Variants in TTN observed in about 807,000 individuals in gnomAD.
The protein encoded by TTN is titin, also known as connectin.
In TTN, 1,525 loss-of-function variants were observed where a neutral mutation model predicts 3,223.0. The ratio of observed to expected loss-of-function variants is 0.47; its 90% CI spans 0.45 to 0.49. The LOEUF (loss-of-function observed/expected upper bound fraction) is 0.49, where lower values mean the gene tolerates loss of function less well. Among genes scored for constraint, TTN ranks in the 20% least tolerant of loss-of-function variants. TTN has a pLI of 0.00. For synonymous variants in TTN, 14,094 were observed against 15,161.0 expected, an observed-to-expected ratio of 0.93 and a Z score of 5.17; for missense variants, 40,786 against 43,424.0, an observed-to-expected ratio of 0.94 and a Z score of 5.40.
At position 178,807,315 on chromosome 2, in the gene TTN, T is replaced by A. The variant is rs564542612; in HGVS notation, c.-117A>T. 10 of 152,234 alleles carry A rather than the reference T, an allele frequency of 6.6e-5. No homozygotes were observed. Among genetic ancestry groups the A allele is most frequent in the African/African-American group, 2.4e-4 (10 of 41,550 alleles). 9.4% of individuals were successfully genotyped at this position (152,234 alleles called of 1,614,324 possible). ...TTTTTCTGACCATCTCCGACATGAATCGGTGAGCCTCTAATCCTAAAAACA... is the reference window on the plus strand; with the variant it reads ...TTTTTCTGACCATCTCCGACATGAAACGGTGAGCCTCTAATCCTAAAAACA... On this transcript the variant is annotated 5_prime_UTR_variant, in exon 1 of 363. Coordinates refer to ENST00000589042, the MANE Select transcript of TTN (RefSeq NM_001267550.2).
rs749744742 is a variant in TTN at position 178,575,736 on chromosome 2, G to A, written c.70396C>T (p.Arg23466Cys). The A allele has an allele frequency of 8.7e-6, 14 of 1,613,316 alleles. No homozygotes were observed. The highest frequency in any genetic ancestry group is 1.7e-5 in the Admixed American group (1 of 59,968). The change falls in exon 326 of 363, where the codon CGT (arginine) becomes TGT (cysteine). Residue 23466 changes from arginine (R) to cysteine (C), a missense_variant. Transcript: ENST00000589042. This position sits in a 1 kb window ranked among gnomAD's most constrained non-coding sequence, Gnocchi z 4.0. ...TTCTCTACAATGTAGTTTGTTATAC[G>A]TGAGCCTCCATCTATCAGAGGGAGG... is the stretch of plus-strand genomic sequence containing the variant. ...WDLPLIDGGSRITNYIVEKRE... is the reference protein window; with the variant it reads ...WDLPLIDGGSCITNYIVEKRE...
rs794729564 is a variant in TTN at position 178,532,447 on chromosome 2, C to A, written c.104168G>T (p.Arg34723Ile). Residue 34723 changes from arginine to isoleucine, a missense_variant, in exon 358 of 363, where the codon AGA becomes ATA. By Grantham distance (97) the Arg-to-Ile change is moderately conservative. Transcript: ENST00000589042. ...ATAGGTTGAATACCTGAAGTCTTTT[C>A]TTGTTTCCTCCACCTTGACATGAGC... ...PQAHVKVEET[R>I]KDFRYSTYHI... is the part of the protein sequence containing the mutation. 1.9e-6 allele frequency: 3 copies of A among 1,613,902 alleles called. No individual in the cohort carries two copies. The African/African-American group carries it at 4.0e-5, about 22-fold the overall frequency.
chr2:178,753,118 C>A lies in TTN; in HGVS notation c.11311+6G>T. 2 of 1,607,446 alleles carry A rather than the reference C, an allele frequency of 1.2e-6. No individual in the cohort carries two copies. Among genetic ancestry groups the A allele is most frequent in the South Asian group, 2.2e-5 (2 of 90,528 alleles). ...TACTTAAATCTCACATCCATTATAA[C>A]AATACCTTTCATTTCCATCTCAATC... On this transcript the variant is annotated splice_donor_region_variant and intron_variant, in intron 47 of 362. Coordinates refer to ENST00000589042, the MANE Select transcript of TTN (RefSeq NM_001267550.2).
chr2:178,584,118 T>A (rs2048379187), intron 311 of TTN, among the ~76,000 whole-genome samples, 158 bp downstream of exon 311: 1 of 152,062 alleles, frequency 6.6e-6, no homozygotes, highest in Non-Finnish European at 1.5e-5. Flanking sequence ...ATATGTCATC[T>A]TCATTGTAAG....
rs183079332 is a variant in TTN at position 178,705,917 on chromosome 2, T to C, written c.29420+537A>G. Among the ~76,000 whole-genome samples the C allele has an allele frequency of 1.6e-3, 245 of 152,356 alleles. 1 individual carries two copies. The highest frequency in any genetic ancestry group is 2.7e-3 in the Non-Finnish European group (184 of 68,026). On this transcript the variant is annotated intron_variant, in intron 102 of 362. Coordinates refer to ENST00000589042, the MANE Select transcript of TTN (RefSeq NM_001267550.2). ...CACAGACAATACTGGGGTTTCTTTATAGGCCATTTCTTTTTGTTTAAAAAT... is the reference window on the plus strand; with the variant it reads ...CACAGACAATACTGGGGTTTCTTTACAGGCCATTTCTTTTTGTTTAAAAAT...
chr2:178,568,025 A>G lies in TTN; in HGVS notation c.78107T>C (p.Leu26036Ser). The G allele has an allele frequency of 6.2e-7, 1 of 1,613,404 alleles. No homozygotes were observed. Among genetic ancestry groups the G allele is most frequent in the South Asian group, 1.1e-5 (1 of 91,072 alleles). The stretch of plus-strand genomic sequence containing the variant: ...AATAGTTTTGTTGACCTTTGTCCAC[A>G]AAATACTGTTTCTTTCTTTTCTCTC... ...HLERKERNSI[L>S]WTKVNKTIIH... Residue 26036 changes from leucine to serine, a missense_variant, in exon 326 of 363, where the codon TTG becomes TCG. Leu to Ser is a moderately radical substitution (Grantham distance 145). Coordinates refer to ENST00000589042, the MANE Select transcript of TTN (RefSeq NM_001267550.2).
In TTN at chr2:178,574,806, C is replaced by T. The variant is rs746336948; in HGVS notation, c.71326G>A (p.Glu23776Lys). The T allele has an allele frequency of 4.3e-6, 7 of 1,612,036 alleles. No homozygotes were observed. Among genetic ancestry groups the T allele is most frequent in the African/African-American group, 4.0e-5 (3 of 74,870 alleles). ...GTACGTATAACGGTGGTTGCTAACT[C>T]AACCCAGGTAGTACTGTCAGTCTGC... ...MRQTDSTTWVELATTVIRTTY... is the reference protein window; with the variant it reads ...MRQTDSTTWVKLATTVIRTTY... The change falls in exon 326 of 363, where the codon GAG becomes AAG. Residue 23776 changes from glutamate to lysine, a missense_variant. Coordinates refer to ENST00000589042, the MANE Select transcript of TTN (RefSeq NM_001267550.2).
intron 43 of TTN, among the ~76,000 whole-genome samples, chr2:178,760,616 TG>T (rs1486530478): frequency 6.6e-6 from 1 of 152,218 alleles, no homozygotes; most frequent in East Asian, 1.9e-4. Context: ...TCTTTTCATT[TG>T]TAAAATGGCA....
chr2:178,766,679 G>T lies in TTN; in HGVS notation c.9472-67C>A, dbSNP rs2090493981. On this transcript the variant is annotated intron_variant, in intron 40 of 362. Transcript: ENST00000589042. ...AACTTGAAGCTCTGGTTTCCTCCCA[G>T]TTAATCAATTTCTAAAACTGGTCAA... 4 of 1,287,766 alleles carry T rather than the reference G, an allele frequency of 3.1e-6. No individual in the cohort carries two copies. In the Admixed American group the frequency reaches 5.3e-5, roughly 17 times the overall value. The allele number at this position is 1,287,766 out of a possible 1,614,324, so 79.8% of individuals were successfully genotyped here. A position where few individuals can be genotyped will look rare whatever the true frequency, so the allele number is the denominator to read the frequency against.
Position 178,731,469 on chromosome 2 carries a change from T to C in TTN, c.17297A>G (p.Asp5766Gly), listed in dbSNP as rs1477878584. 1 of 1,613,726 alleles carries C rather than the reference T, an allele frequency of 6.2e-7. No homozygotes were observed. Among genetic ancestry groups the C allele is most frequent in the South Asian group, 1.1e-5 (1 of 91,076 alleles). ...ATCGTCTTCAGTGATTTCATCGCTG[T>C]CTTTTAGCCAAGTCACCGTAATTGG... ...SLPITVTWLK[D>G]SDEITEDDNI... Residue 5766 changes from aspartate to glycine, a missense_variant, in exon 59 of 363, where the codon GAC becomes GGC. Physicochemically the swap from Asp to Gly is moderately conservative, Grantham distance 94. Transcript: ENST00000589042.
At position 178,607,260 on chromosome 2, in the gene TTN, C is replaced by G. The variant is rs1427330384; in HGVS notation, c.53342G>C (p.Cys17781Ser). 5.6e-6 allele frequency: 9 copies of G among 1,612,808 alleles called. No individual in the cohort carries two copies. Among genetic ancestry groups the G allele is most frequent in the Non-Finnish European group, 7.6e-6 (9 of 1,179,292 alleles). Reference protein sequence around the residue: ...LKPVVTNRKMCLLNWSDPEDD... With the variant: ...LKPVVTNRKMSLLNWSDPEDD... Reference sequence around the variant, plus strand: ...TTCTGGATCAGACCAGTTAAGTAGACACATTTTTCTGTTTGTTACAACAGG... The same window carrying G: ...TTCTGGATCAGACCAGTTAAGTAGAGACATTTTTCTGTTTGTTACAACAGG... Residue 17781 changes from cysteine to serine, a missense_variant, in exon 278 of 363, where the codon TGT becomes TCT. Physicochemically the swap from Cys to Ser is moderately radical, Grantham distance 112. Coordinates refer to ENST00000589042, the MANE Select transcript of TTN (RefSeq NM_001267550.2).
Position 178,730,571 on chromosome 2 carries a change from TC to T in TTN, c.17961del (p.Thr5988HisfsTer19). On this transcript the variant is annotated frameshift_variant, in exon 61 of 363. Coordinates refer to ENST00000589042, the MANE Select transcript of TTN (RefSeq NM_001267550.2). LOFTEE classifies it high-confidence loss of function. ...TTATTTGTGGCAGAACAAGTGTATGTCCCACTGTCTGTACCTTCCAGCTGGC... is the reference window on the plus strand; with the variant it reads ...TTATTTGTGGCAGAACAAGTGTATGTCCACTGTCTGTACCTTCCAGCTGGC... Reference protein sequence around the residue: ...EISQLEGTDSGTYTCSATNKA... With the variant: ...EISQLEGTDSXTYTCSATNKA... 6.2e-7 allele frequency: 1 copy of T among 1,613,654 alleles called. No homozygotes were observed. The highest frequency in any genetic ancestry group is 8.5e-7 in the Non-Finnish European group (1 of 1,179,656).
At chr2:178,583,386 TTGAA>T (rs1255645031) in intron 312 of TTN, 159 bp from the exon 313 acceptor site, 1 of 857,070 alleles carries the variant, frequency 1.2e-6, no homozygotes, top group Non-Finnish European at 1.7e-6. Context: ...AACTGCACTA[TTGAA>T]TAACTATTGA....
At chr2:178,596,495 G>A (rs2051660755) in intron 294 of TTN, among the ~76,000 whole-genome samples, 1 of 152,006 alleles carries the variant, frequency 6.6e-6, no homozygotes, top group Admixed American at 6.6e-5. Context: ...CAGGGGAAAC[G>A]GAGAGAGAGA....
intron 10 of TTN, among the ~76,000 whole-genome samples, chr2:178,791,331 A>G (rs2093478932): frequency 6.6e-6 from 1 of 152,220 alleles, no homozygotes; most frequent in South Asian, 2.1e-4. Flanking sequence ...ACCTTTAAAG[A>G]AAGTAGCTCT....
rs772097745 is a variant in TTN at position 178,544,332 on chromosome 2, C to G, written c.95897G>C (p.Arg31966Thr). The G allele has an allele frequency of 6.2e-7, 1 of 1,613,740 alleles. No individual in the cohort carries two copies. The highest frequency in any genetic ancestry group is 1.1e-5 in the South Asian group (1 of 91,078). Reference protein sequence around the residue: ...WYRVHTNATIRNTEFTVPDLK... With the variant: ...WYRVHTNATITNTEFTVPDLK... ...GTCTGGCACAGTGAATTCAGTATTT[C>G]TTATTGTGGCATTGGTATGCACTCG... is the stretch of plus-strand genomic sequence containing the variant. Residue 31966 changes from arginine to threonine, a missense_variant, in exon 345 of 363, where the codon AGA (arginine) becomes ACA (threonine). Arg to Thr is a moderately conservative substitution (Grantham distance 71, BLOSUM62 -1). Coordinates refer to ENST00000589042, the MANE Select transcript of TTN (RefSeq NM_001267550.2).
In TTN at chr2:178,775,770, T is replaced by G. The variant is rs1322130237; in HGVS notation, c.6094A>C (p.Arg2032=). 4.3e-6 allele frequency: 7 copies of G among 1,613,660 alleles called. No individual in the cohort carries two copies. The highest frequency in any genetic ancestry group is 5.9e-6 in the Non-Finnish European group (7 of 1,179,952). Residue 2032 remains arginine, a synonymous_variant, in exon 28 of 363, where the codon AGG becomes CGG. Coordinates refer to ENST00000589042, the MANE Select transcript of TTN (RefSeq NM_001267550.2). The part of the protein sequence containing the change: ...KKDESYEELL[R]KTKDELLHWT... Reference sequence around the variant, plus strand: ...TGGAGAAGTTCATCTTTTGTCTTCCTGAGGAGTTCCTCATAGGATTCATCC... The same window carrying G: ...TGGAGAAGTTCATCTTTTGTCTTCCGGAGGAGTTCCTCATAGGATTCATCC...
rs773883340 is a variant in TTN, at chr2:178,723,982, T to C, written c.21277A>G (p.Thr7093Ala). 3.7e-6 allele frequency: 6 copies of C among 1,613,550 alleles called. No individual in the cohort carries two copies. The East Asian group carries it at 1.3e-4, about 36-fold the overall frequency. ...AATGTGCAGACATTATCTGAAAATG[T>C]GGTTTGGTACTTTGCTCCACTGACA... ...KIVSGAKYQTTFSDNVCTLQL... is the reference protein window; with the variant it reads ...KIVSGAKYQTAFSDNVCTLQL... Residue 7093 changes from threonine (T) to alanine (A), a missense_variant, in exon 73 of 363, where the codon ACA becomes GCA. Physicochemically the swap from Thr to Ala is moderately conservative, Grantham distance 58. Coordinates refer to ENST00000589042, the MANE Select transcript of TTN (RefSeq NM_001267550.2).
Position 178,739,777 on chromosome 2 carries a change from C to T in TTN, c.13456G>A (p.Asp4486Asn), listed in dbSNP as rs2154317758. 1 of 1,613,818 alleles carries T rather than the reference C, an allele frequency of 6.2e-7. No homozygotes were observed. Among genetic ancestry groups the T allele is most frequent in the Non-Finnish European group, 8.5e-7 (1 of 1,179,802 alleles). Residue 4486 changes from aspartate to asparagine, a missense_variant, in exon 48 of 363, where the codon GAC (aspartate) becomes AAC (asparagine). Transcript: ENST00000589042. Reference protein sequence around the residue: ...ALCAIIYEEIDILTAEGPRIQ... With the variant: ...ALCAIIYEEINILTAEGPRIQ... Reference sequence around the variant, plus strand: ...CTAGGACCCTCAGCTGTTAGGATGTCTATTTCCTCATATATAATAGCACAC... The same window carrying T: ...CTAGGACCCTCAGCTGTTAGGATGTTTATTTCCTCATATATAATAGCACAC...
Sources: gnomAD v4.1 joint callset for allele counts (sites outside exome capture counted in the v4.1 genomes callset) on GRCh38, gnomAD v4.1.1 for gene constraint, Gnocchi (gnomAD v3.1) non-coding constraint, MANE v1.5 for transcripts, NCBI Gene and HGNC (gene_info 2026-07-23, HGNC 2026-07-21) for gene names.